The following CSMD1 variants were observed in gnomAD, a reference collection of about 807,000 sequenced individuals.
CSMD1 encodes the protein CUB and sushi domain-containing protein 1.
In CSMD1, 213 loss-of-function variants were observed where a neutral mutation model predicts 417.5. The ratio of observed to expected loss-of-function variants is 0.51; its 90% confidence interval spans 0.46 to 0.57. The LOEUF is 0.57. CSMD1 is among the 20% of genes least tolerant of loss of function. The pLI is 0.00. For synonymous variants in CSMD1, 2,862 were observed against 1,736.8 expected (o/e 1.65, Z -16.11); for missense variants, 6,923 against 4,529.7 (o/e 1.53, Z -15.17).
chr8:3,009,509 T>C (rs1405942630), intron 52 of CSMD1, among the ~76,000 whole-genome samples: 1 of 152,222 alleles, frequency 6.6e-6, no homozygotes, highest in Non-Finnish European at 1.5e-5. Context: ...TATTAACAAA[T>C]GGTCATAAAA....
intron 5 of CSMD1, among the ~76,000 whole-genome samples, chr8:3,765,303 G>A (rs562106660): frequency 1.3e-5 from 2 of 152,242 alleles, no homozygotes; most frequent in South Asian, 2.1e-4. Flanking sequence ...TTTTGCCTGT[G>A]TAAATCCTTC....
chr8:4,819,557 C>G (rs544780885), intron 1 of CSMD1, among the ~76,000 whole-genome samples: 1 of 152,238 alleles, frequency 6.6e-6, no homozygotes, highest in East Asian at 1.9e-4. Flanking sequence ...ATTTTGATGA[C>G]TGTCTCATAA....
At chr8:4,500,113 G>A (rs1264398148) in intron 2 of CSMD1, among the ~76,000 whole-genome samples, 3 of 151,658 alleles carry the variant, frequency 2.0e-5, no homozygotes, top group Non-Finnish European at 4.4e-5. Context: ...AAAGAGGCTG[G>A]GAGAATACAA....
At chr8:4,943,530 A>C (rs1808165671) in intron 1 of CSMD1, among the ~76,000 whole-genome samples, 1 of 102,164 alleles carries the variant, frequency 9.8e-6, no homozygotes, top group African/African-American at 2.9e-5. Context: ...AAATAAAATA[A>C]AATAAAATAA....
chr8:4,034,533 T>A (rs1172446573), intron 3 of CSMD1, among the ~76,000 whole-genome samples: 1 of 152,206 alleles, frequency 6.6e-6, no homozygotes, highest in Non-Finnish European at 1.5e-5. Context: ...GTGACATTTA[T>A]AAGGAAGAAA....
At chr8:4,380,634 T>C (rs1376716476) in intron 3 of CSMD1, among the ~76,000 whole-genome samples, 1 of 152,142 alleles carries the variant, frequency 6.6e-6, no homozygotes, top group Non-Finnish European at 1.5e-5. Flanking sequence ...ACTGTAGTCA[T>C]TAAAGTGTCA....
intron 3 of CSMD1, among the ~76,000 whole-genome samples, chr8:4,388,848 A>G (rs917409261): frequency 1.3e-5 from 2 of 152,150 alleles, no homozygotes; most frequent in African/African-American, 4.8e-5. Context: ...TGATTTAAAA[A>G]CCATTTAAAA....
At position 3,854,964 on chromosome 8, in the gene CSMD1, T is replaced by C. The variant is rs558450328; in HGVS notation, c.819-100922A>G. 1.5e-3 allele frequency among the ~76,000 whole-genome samples: 225 copies of C among 152,180 alleles called. 2 individuals are homozygous for C. The highest frequency in any genetic ancestry group is 5.1e-3 in the African/African-American group (210 of 41,512). On this transcript the variant is annotated intron_variant, in intron 5 of 69. Coordinates refer to ENST00000635120, the MANE Select transcript of CSMD1 (RefSeq NM_033225.6). ...TGATGCTCAATGGAAAAACATAGCA[T>C]ACATACACACAAATGTCCAGGCCCA... is the stretch of plus-strand genomic sequence containing the variant.
At chr8:3,205,098 A>G (rs1383409980) in intron 31 of CSMD1, among the ~76,000 whole-genome samples, 1 of 152,240 alleles carries the variant, frequency 6.6e-6, no homozygotes. Flanking sequence ...GATTTCGATC[A>G]TGATCTGGTT....
intron 3 of CSMD1, among the ~76,000 whole-genome samples, chr8:4,261,900 C>G (rs1167471274): frequency 6.6e-6 from 1 of 152,080 alleles, no homozygotes; most frequent in African/African-American, 2.4e-5. Context: ...AGATGTGGAA[C>G]TTAATCCAAA....
chr8:4,002,077 G>T (rs1815724272), intron 4 of CSMD1, among the ~76,000 whole-genome samples: 1 of 152,130 alleles, frequency 6.6e-6, no homozygotes, highest in Non-Finnish European at 1.5e-5. Flanking sequence ...AAGATAGTCT[G>T]ATTGATTAAT....
intron 7 of CSMD1, among the ~76,000 whole-genome samples, chr8:3,690,787 A>T (rs1800194632): frequency 6.6e-6 from 1 of 152,204 alleles, no homozygotes; most frequent in Admixed American, 6.5e-5. Flanking sequence ...TTAATTTATA[A>T]AAAAAGGAAT....
chr8:4,859,723 C>A (rs1428157332), intron 1 of CSMD1, among the ~76,000 whole-genome samples: 1 of 151,916 alleles, frequency 6.6e-6, no homozygotes, highest in African/African-American at 2.4e-5. Context: ...CCATCTCACA[C>A]CAGTTAGAAT....
intron 3 of CSMD1, among the ~76,000 whole-genome samples, chr8:4,133,119 G>C (rs1159869935): frequency 6.6e-6 from 1 of 152,052 alleles, no homozygotes; most frequent in East Asian, 1.9e-4. Flanking sequence ...TGTATTTTTA[G>C]TAGAGAAGGG....
At chr8:2,998,354 A>T (rs1807099586) in intron 53 of CSMD1, among the ~76,000 whole-genome samples, 170 bp from the exon 54 acceptor site, 1 of 152,262 alleles carries the variant, frequency 6.6e-6, no homozygotes, top group South Asian at 2.1e-4. Flanking sequence ...ATTGGGAGCT[A>T]CAACCACAGG....
chr8:3,278,636 T>G (rs1043152365), intron 26 of CSMD1: 1 of 138,824 alleles, frequency 7.2e-6, no homozygotes, highest in African/African-American at 2.7e-5. Context: ...ACAATCTAAT[T>G]TATAGGTAAA....
chr8:3,400,905 T>A (rs1045742368), intron 15 of CSMD1, among the ~76,000 whole-genome samples: 1 of 151,278 alleles, frequency 6.6e-6, no homozygotes, highest in Admixed American at 6.6e-5. Context: ...TAATTTTTAT[T>A]AACTTGAGCT....
intron 5 of CSMD1, among the ~76,000 whole-genome samples, chr8:3,970,023 A>C (rs1187456842): frequency 1.3e-5 from 2 of 152,170 alleles, no homozygotes; most frequent in Admixed American, 6.5e-5. Flanking sequence ...ATTCTTTCTC[A>C]CCTTTCCCTT....
chr8:3,853,840 G>A (rs539641141), intron 5 of CSMD1, among the ~76,000 whole-genome samples: 206 of 146,488 alleles, frequency 1.4e-3, no homozygotes, highest in Non-Finnish European at 1.4e-3. Context: ...TGCACATTGT[G>A]CACATGTACC....
Sources: allele counts gnomAD v4.1 joint callset (sites outside exome capture counted in the v4.1 genomes callset), GRCh38; gene constraint gnomAD v4.1.1; transcripts MANE v1.5; gene names NCBI Gene and HGNC (gene_info 2026-07-23, HGNC 2026-07-21).